The following ATXN10 variants were observed in gnomAD, a reference collection of about 807,000 sequenced individuals.
ATXN10 encodes ataxin 10, also known as ataxin-10.
A neutral mutation model predicts 52.9 loss-of-function variants in ATXN10; 28 were observed. The ratio of observed to expected loss-of-function variants is 0.53; its 90% CI spans 0.39 to 0.73. The LOEUF (loss-of-function observed/expected upper bound fraction) is 0.73, where lower values mean the gene tolerates loss of function less well. Ranked by LOEUF, ATXN10 falls within the 30% of genes least tolerant of loss-of-function variation. The pLI is 0.00. For synonymous variants in ATXN10, 226 were observed against 221.5 expected, an observed-to-expected ratio of 1.02 and a Z score of -0.18; for missense variants, 565 against 577.0, an observed-to-expected ratio of 0.98 and a Z score of 0.21.
chr22:45,692,229 A>G (rs557014258), intron 2 of ATXN10, among the ~76,000 whole-genome samples: 61 of 152,330 alleles, frequency 4.0e-4, no homozygotes, highest in African/African-American at 1.4e-3. Context: ...TATGCAAACT[A>G]TAAAAATTCT....
rs575890805 is a variant in ATXN10, at chr22:45,706,540, A to C, written c.647+3693A>C. On this transcript the variant is annotated intron_variant, in intron 5 of 11. Coordinates refer to ENST00000252934, the MANE Select transcript of ATXN10 (RefSeq NM_013236.4). ...CTTTTTTACATAGGCATTTACATCT[A>C]CAAATTTCCTGGTAGGAACTACTTT... Among the ~76,000 whole-genome samples, 18 of 152,344 alleles carry C rather than the reference A, an allele frequency of 1.2e-4. No individual in the cohort carries two copies. The South Asian group carries it at 1.4e-3, about 12-fold the overall frequency.
chr22:45,710,410 A>G (rs1185640852), intron 5 of ATXN10, among the ~76,000 whole-genome samples: 1 of 152,144 alleles, frequency 6.6e-6, no homozygotes, highest in Non-Finnish European at 1.5e-5. Flanking sequence ...AGACCTTCCC[A>G]GCACTTTATG....
In ATXN10 at chr22:45,705,988, C is replaced by T. The variant is rs1173528695; in HGVS notation, c.647+3141C>T. ...CATTCGATTCTCTTAGGAGCACAAACCCTGTTGTGAACTGCGCATGCGAGG... is the reference window on the plus strand; with the variant it reads ...CATTCGATTCTCTTAGGAGCACAAATCCTGTTGTGAACTGCGCATGCGAGG... On this transcript the variant is annotated intron_variant, in intron 5 of 11. Coordinates refer to ENST00000252934, the MANE Select transcript of ATXN10 (RefSeq NM_013236.4). The surrounding 1 kb of genome is among the most constrained non-coding windows in gnomAD (Gnocchi z 5.2). Among the ~76,000 whole-genome samples, 1 of 152,170 alleles carries T rather than the reference C, an allele frequency of 6.6e-6. No individual in the cohort carries two copies. Among genetic ancestry groups the T allele is most frequent in the East Asian group, 1.9e-4 (1 of 5,190 alleles).
chr22:45,755,006 G>A (rs1373361098), intron 9 of ATXN10, among the ~76,000 whole-genome samples: 1 of 152,228 alleles, frequency 6.6e-6, no homozygotes, highest in Non-Finnish European at 1.5e-5. Context: ...CTGACTGGCT[G>A]TCTCTCACAA....
chr22:45,823,630 G>A lies in ATXN10; in HGVS notation c.1237+16608G>A, dbSNP rs1033236181. Among the ~76,000 whole-genome samples, 14 of 152,072 alleles carry A rather than the reference G, an allele frequency of 9.2e-5. No homozygotes were observed. Among genetic ancestry groups the A allele is most frequent in the Admixed American group, 1.3e-4 (2 of 15,280 alleles). ...TCGTGACTTTATGATCTTGGTATCC[G>A]GTAGGGCCAATTTTGAATGTTAACC... On this transcript the variant is annotated intron_variant, in intron 10 of 11. Coordinates refer to ENST00000252934, the MANE Select transcript of ATXN10 (RefSeq NM_013236.4). This position sits in a 1 kb window ranked among gnomAD's most constrained non-coding sequence, Gnocchi z 4.9.
rs1927457648 is a variant in ATXN10 at position 45,790,162 on chromosome 22, A to G, written c.1174-16797A>G. On this transcript the variant is annotated intron_variant, in intron 9 of 11. Coordinates refer to ENST00000252934, the MANE Select transcript of ATXN10 (RefSeq NM_013236.4). This position sits in a 1 kb window ranked among gnomAD's most constrained non-coding sequence, Gnocchi z 4.7. ...GTTCAAATAAATTGAAATTCAAAATATATTCTCCCTGATTTCTTATTCTGC... is the reference window on the plus strand; with the variant it reads ...GTTCAAATAAATTGAAATTCAAAATGTATTCTCCCTGATTTCTTATTCTGC... Among the ~76,000 whole-genome samples the G allele has an allele frequency of 6.6e-6, 1 of 152,166 alleles. No individual in the cohort carries two copies. Among genetic ancestry groups the G allele is most frequent in the South Asian group, 2.1e-4 (1 of 4,818 alleles).
chr22:45,753,161 TC>T (rs1324048164), intron 9 of ATXN10, among the ~76,000 whole-genome samples: 1 of 151,984 alleles, frequency 6.6e-6, no homozygotes, highest in African/African-American at 2.4e-5. Context: ...CTCTCTCATT[TC>T]CCTCTTCCCT....
intron 9 of ATXN10, among the ~76,000 whole-genome samples, chr22:45,800,348 A>G (rs1927891119): frequency 6.6e-6 from 1 of 152,220 alleles, no homozygotes; most frequent in Admixed American, 6.5e-5. Flanking sequence ...AACGAAACAG[A>G]AATGTCCCAT....
chr22:45,738,605 T>A (rs920135117), intron 7 of ATXN10, 126 bp from the exon 8 acceptor site: 5 of 836,948 alleles, frequency 6.0e-6, no homozygotes, highest in Middle Eastern at 3.3e-4. Flanking sequence ...TGTTTTTCTC[T>A]TTGACTTATT....
chr22:45,725,029 T>C (rs1207843520), intron 6 of ATXN10, among the ~76,000 whole-genome samples: 3 of 152,136 alleles, frequency 2.0e-5, no homozygotes, highest in Non-Finnish European at 4.4e-5. Flanking sequence ...TAGCTTTATA[T>C]CAGTACAATC....
chr22:45,743,728 A>G (rs904812419), intron 9 of ATXN10, among the ~76,000 whole-genome samples: 1 of 152,208 alleles, frequency 6.6e-6, no homozygotes. Context: ...AGTGTTTACT[A>G]TGTCCTTGCA....
chr22:45,781,763 G>A lies in ATXN10; in HGVS notation c.1174-25196G>A, dbSNP rs1222953837. Among the ~76,000 whole-genome samples, 1 of 152,062 alleles carries A rather than the reference G, an allele frequency of 6.6e-6. No individual in the cohort carries two copies. The highest frequency in any genetic ancestry group is 2.4e-5 in the African/African-American group (1 of 41,394). On this transcript the variant is annotated intron_variant, in intron 9 of 11. Transcript: ENST00000252934. This position sits in a 1 kb window ranked among gnomAD's most constrained non-coding sequence, Gnocchi z 4.2. ...AATGAAAAAATCTCAGCAAAGAAATGGAAGATACAAAGAAAAGCCACGTGG... is the reference window on the plus strand; with the variant it reads ...AATGAAAAAATCTCAGCAAAGAAATAGAAGATACAAAGAAAAGCCACGTGG...
intron 5 of ATXN10, among the ~76,000 whole-genome samples, chr22:45,716,650 A>G (rs972942554): frequency 6.6e-6 from 1 of 152,082 alleles, no homozygotes; most frequent in Admixed American, 6.6e-5. Flanking sequence ...GAATGTTTCT[A>G]TTAATAAAGA....
rs2146747279 is a variant in ATXN10, at chr22:45,696,785, CAGG to C, written c.392-3495_392-3493del. 6.6e-6 allele frequency among the ~76,000 whole-genome samples: 1 copy of C among 152,330 alleles called. No individual in the cohort carries two copies. Among genetic ancestry groups the C allele is most frequent in the East Asian group, 1.9e-4 (1 of 5,190 alleles). ...TGGTAAAAGATTATTTCATCCTTCA[CAGG>C]ATTACTTTCCACTGAAGCAGGTAGA... On this transcript the variant is annotated intron_variant, in intron 3 of 11. Coordinates refer to ENST00000252934, the MANE Select transcript of ATXN10 (RefSeq NM_013236.4). The surrounding 1 kb of genome is among the most constrained non-coding windows in gnomAD (Gnocchi z 4.7).
intron 1 of ATXN10, among the ~76,000 whole-genome samples, chr22:45,680,335 C>G (rs142763866): frequency 1.4e-3 from 215 of 152,252 alleles, no homozygotes; most frequent in African/African-American, 5.1e-3. Context: ...TTTAAAAAGA[C>G]TTAAGTGGTA....
rs1437973114 is a variant in ATXN10 at position 45,789,609 on chromosome 22, A to G, written c.1174-17350A>G. On this transcript the variant is annotated intron_variant, in intron 9 of 11. Transcript: ENST00000252934. The surrounding 1 kb of genome is among the most constrained non-coding windows in gnomAD (Gnocchi z 4.0). ...GGAAAAGTTAGGGGTTAGTATGTTA[A>G]TACAGCTCTCTCCACGACAAGAAGA... 6.6e-6 allele frequency among the ~76,000 whole-genome samples: 1 copy of G among 152,212 alleles called. No individual in the cohort carries two copies. Among genetic ancestry groups the G allele is most frequent in the African/African-American group, 2.4e-5 (1 of 41,452 alleles).
chr22:45,790,576 G>A lies in ATXN10; in HGVS notation c.1174-16383G>A, dbSNP rs746938053. On this transcript the variant is annotated intron_variant, in intron 9 of 11. Coordinates refer to ENST00000252934, the MANE Select transcript of ATXN10 (RefSeq NM_013236.4). This position sits in a 1 kb window ranked among gnomAD's most constrained non-coding sequence, Gnocchi z 4.7. The stretch of plus-strand genomic sequence containing the variant: ...TTTCTGCTTCAGCAGATTTCAGTTA[G>A]TCTCTGACAGTTGGGGGGCTACACA... 6.6e-6 allele frequency among the ~76,000 whole-genome samples: 1 copy of A among 152,168 alleles called. No homozygotes were observed. The highest frequency in any genetic ancestry group is 1.5e-5 in the Non-Finnish European group (1 of 68,034).
chr22:45,755,556 G>T (rs9626437), intron 9 of ATXN10, among the ~76,000 whole-genome samples: 2,343 of 152,134 alleles, frequency 0.015, 68 homozygotes, highest in African/African-American at 0.054. Context: ...TCAATATCTT[G>T]TTGGTGTTTT....
chr22:45,803,298 A>G (rs535515230), intron 9 of ATXN10, among the ~76,000 whole-genome samples: 33 of 152,224 alleles, frequency 2.2e-4, no homozygotes, highest in Admixed American at 1.9e-3. Flanking sequence ...TCCCAGTTCC[A>G]TGAGCTTCAT....
Sources: gnomAD v4.1 joint callset for allele counts (sites outside exome capture counted in the v4.1 genomes callset) on GRCh38, gnomAD v4.1.1 for gene constraint, Gnocchi (gnomAD v3.1) non-coding constraint, MANE v1.5 for transcripts, NCBI Gene and HGNC (gene_info 2026-07-23, HGNC 2026-07-21) for gene names.